The following SEC24D variants were observed in gnomAD, a reference collection of about 807,000 sequenced individuals.
SEC24D encodes the protein SEC24 homolog D, COPII component.
Under a neutral mutation model 116.9 loss-of-function variants are expected in SEC24D, and 69 were observed. The ratio of observed to expected loss-of-function variants is 0.59; its 90% CI spans 0.49 to 0.72. The LOEUF (loss-of-function observed/expected upper bound fraction) is 0.72, where lower values mean the gene tolerates loss of function less well. Among genes scored for constraint, SEC24D ranks in the 30% least tolerant of loss-of-function variants. The pLI is 0.00. For missense variants in SEC24D, 1,131 were observed against 1,264.1 expected (o/e 0.89, Z 1.60); for synonymous variants, 405 against 442.8 (o/e 0.91, Z 1.07).
intron 15 of SEC24D, among the ~76,000 whole-genome samples, chr4:118,741,890 T>C (rs921512097): frequency 4.6e-5 from 7 of 152,206 alleles, no homozygotes; most frequent in African/African-American, 1.4e-4. Flanking sequence ...TTAAAATTTG[T>C]ATTGTTGAAG....
At chr4:118,809,718 G>T (rs1430070287) in intron 6 of SEC24D, among the ~76,000 whole-genome samples, 1 of 151,582 alleles carries the variant, frequency 6.6e-6, no homozygotes, top group Admixed American at 6.6e-5. Flanking sequence ...TGTTCTAAGT[G>T]TTAGAGACAC....
chr4:118,756,914 T>C (rs939489963), intron 11 of SEC24D, among the ~76,000 whole-genome samples: 1 of 152,220 alleles, frequency 6.6e-6, no homozygotes, highest in African/African-American at 2.4e-5. Context: ...CAAATACCGC[T>C]CTTAAAAGCT....
chr4:118,823,241 G>A (rs973311658), intron 3 of SEC24D, among the ~76,000 whole-genome samples: 1 of 152,070 alleles, frequency 6.6e-6, no homozygotes, highest in Non-Finnish European at 1.5e-5. Flanking sequence ...CCACAATCAC[G>A]CTTAATGACC....
At chr4:118,778,768 TTTA>T (rs1728263223) in intron 8 of SEC24D, among the ~76,000 whole-genome samples, 1 of 152,188 alleles carries the variant, frequency 6.6e-6, no homozygotes, top group South Asian at 2.1e-4. Context: ...TGTGTCCTCT[TTTA>T]TTTTGTTGAG....
intron 8 of SEC24D, among the ~76,000 whole-genome samples, chr4:118,783,704 A>C (rs1474882390): frequency 6.6e-6 from 1 of 152,242 alleles, no homozygotes; most frequent in East Asian, 1.9e-4. Context: ...GAGTGATTAT[A>C]CAAGTATAAA....
intron 3 of SEC24D, among the ~76,000 whole-genome samples, chr4:118,823,362 G>A (rs996286753): frequency 4.6e-5 from 7 of 152,168 alleles, no homozygotes; most frequent in African/African-American, 1.4e-4. Context: ...GAATTAACCT[G>A]ATGACTTTAA....
At chr4:118,793,634 G>A (rs1343800436) in intron 8 of SEC24D, among the ~76,000 whole-genome samples, 2 of 152,262 alleles carry the variant, frequency 1.3e-5, no homozygotes, top group East Asian at 1.9e-4. Flanking sequence ...TTGGGCACAT[G>A]CCCCTGAGGA....
At position 118,815,615 on chromosome 4, in the gene SEC24D, A is replaced by C. The variant is rs1305632023; in HGVS notation, c.509T>G (p.Val170Gly). The change falls in exon 5 of 23, where the codon GTT becomes GGT. Residue 170 changes from valine to glycine, a missense_variant. Val to Gly is a moderately radical substitution (Grantham distance 109). Coordinates refer to ENST00000280551, the MANE Select transcript of SEC24D (RefSeq NM_014822.4). The part of the protein sequence containing the change: ...QPSILQPGSQ[V>G]LPPPPTTLNG... ...GAGTGTGGTGGGTGGTGGTGGAAGAACTTGAGATCCAGGCTGCAAAATGGA... is the reference window on the plus strand; with the variant it reads ...GAGTGTGGTGGGTGGTGGTGGAAGACCTTGAGATCCAGGCTGCAAAATGGA... 5.6e-6 allele frequency: 9 copies of C among 1,614,058 alleles called. No homozygotes were observed. Among genetic ancestry groups the C allele is most frequent in the Non-Finnish European group, 7.6e-6 (9 of 1,180,034 alleles).
Position 118,752,549 on chromosome 4 carries a change from T to A in SEC24D, c.1613+148A>T, listed in dbSNP as rs12649666. 209,677 of 586,052 alleles carry A rather than the reference T, an allele frequency of 0.36. 38,905 individuals carry two copies. Among genetic ancestry groups the A allele is most frequent in the Admixed American group, 0.47 (12,479 of 26,576 alleles). The allele number at this position is 586,052 out of a possible 1,614,324, so 36.3% of individuals were successfully genotyped here. Reference sequence around the variant, plus strand: ...ATACTTGTCTATATTTAAAAAAGACTGACTTAACATAAATGATAGAGTTTT... The same window carrying A: ...ATACTTGTCTATATTTAAAAAAGACAGACTTAACATAAATGATAGAGTTTT... On this transcript the variant is annotated intron_variant, in intron 12 of 22. Transcript: ENST00000280551.
chr4:118,734,378 A>G (rs1272255364), intron 19 of SEC24D, among the ~76,000 whole-genome samples: 3 of 151,556 alleles, frequency 2.0e-5, no homozygotes, highest in Admixed American at 2.0e-4. Flanking sequence ...ACACCCGGCT[A>G]ACTTTTGTTT....
chr4:118,798,639 C>G (rs148587346), intron 7 of SEC24D, among the ~76,000 whole-genome samples: 1 of 152,124 alleles, frequency 6.6e-6, no homozygotes, highest in South Asian at 2.1e-4. Flanking sequence ...ATGAATATTA[C>G]GCCTAATAAA....
chr4:118,819,381 A>C (rs1020868044), intron 3 of SEC24D, among the ~76,000 whole-genome samples: 68 of 151,544 alleles, frequency 4.5e-4, no homozygotes, highest in African/African-American at 1.6e-3. Flanking sequence ...AATACAAAAA[A>C]TTAGCCGGGC....
At chr4:118,824,843 G>A in intron 2 of SEC24D, 94 bp from the exon 3 acceptor site, 1 of 1,169,976 alleles carries the variant, frequency 8.5e-7, no homozygotes, top group South Asian at 1.7e-5. Context: ...AGGTGGAGGA[G>A]GAGGGAAACA....
chr4:118,812,133 A>C (rs185334409), intron 6 of SEC24D, among the ~76,000 whole-genome samples: 19 of 152,314 alleles, frequency 1.2e-4, no homozygotes, highest in Admixed American at 7.8e-4. Context: ...AGTATACCGT[A>C]CTTGACAATG....
At chr4:118,767,603 A>C (rs115916994) in intron 9 of SEC24D, among the ~76,000 whole-genome samples, 2 of 152,242 alleles carry the variant, frequency 1.3e-5, no homozygotes, top group Non-Finnish European at 2.9e-5. Flanking sequence ...GCAACTTAGC[A>C]GTTTTCTTCA....
intron 19 of SEC24D, 94 bp from the exon 20 acceptor site, chr4:118,733,006 G>T: frequency 9.0e-7 from 1 of 1,113,602 alleles, no homozygotes; most frequent in East Asian, 2.4e-5. Flanking sequence ...ATTTGCTTCT[G>T]AACTTGTAAG....
chr4:118,744,661 G>A lies in SEC24D; in HGVS notation c.1824+283C>T, dbSNP rs370053033. Among the ~76,000 whole-genome samples the A allele has an allele frequency of 4.1e-4, 62 of 152,188 alleles. 1 individual carries two copies. The highest frequency in any genetic ancestry group is 3.4e-4 in the Non-Finnish European group (23 of 68,034). ...CTAACATGGTAAAACTCCTGACCTC[G>A]TAATCCACCTGCCTTGGCCTCCCAA... On this transcript the variant is annotated intron_variant, in intron 14 of 22. Transcript: ENST00000280551.
chr4:118,738,111 C>A (rs1726054733), intron 19 of SEC24D, 150 bp downstream of exon 19: 6 of 566,630 alleles, frequency 1.1e-5, no homozygotes, highest in Non-Finnish European at 1.9e-5. Context: ...CCACAGCCCC[C>A]CCAAATTGCA....
intron 7 of SEC24D, 104 bp from the exon 8 acceptor site, chr4:118,797,914 T>C: frequency 2.4e-6 from 2 of 839,346 alleles, no homozygotes; most frequent in Non-Finnish European, 3.4e-6. Flanking sequence ...ATTGCATTAT[T>C]TCTTATTTGT....
Sources: gnomAD v4.1 joint callset for allele counts (sites outside exome capture counted in the v4.1 genomes callset) on GRCh38, gnomAD v4.1.1 for gene constraint, MANE v1.5 for transcripts, NCBI Gene and HGNC (gene_info 2026-07-23, HGNC 2026-07-21) for gene names.